C19orf44: variants seen among roughly 807,000 people sequenced by gnomAD.
C19orf44 encodes the protein chromosome 19 open reading frame 44, also known as uncharacterized protein C19orf44.
Under a neutral mutation model 50.7 loss-of-function variants are expected in C19orf44, and 43 were observed. The ratio of observed to expected loss-of-function variants is 0.85; its 90% CI spans 0.66 to 1.09. The LOEUF (loss-of-function observed/expected upper bound fraction) is 1.09. Ranked by LOEUF, C19orf44 falls within the 50% of genes least tolerant of loss-of-function variation. C19orf44 has a pLI of 0.00. For missense variants in C19orf44, 722 were observed against 836.2 expected, an observed-to-expected ratio of 0.86 and a Z score of 1.68; for synonymous variants, 298 against 334.7, an observed-to-expected ratio of 0.89 and a Z score of 1.20.
chr19:16,510,897 G>C (rs1461950438), intron 5 of C19orf44, among the ~76,000 whole-genome samples: 2 of 151,952 alleles, frequency 1.3e-5, no homozygotes, highest in African/African-American at 4.8e-5. Flanking sequence ...CCCCATGCCT[G>C]GCTAATTTTT....
At position 16,508,915 on chromosome 19, in the gene C19orf44, G is replaced by T. The variant is rs138292100; in HGVS notation, c.1150-584G>T. Reference sequence around the variant, plus strand: ...AGCTCACCATAACCTCTGCCTCCTGGGTTCAAGTGATTCTCCTGCCTTAGC... The same window carrying T: ...AGCTCACCATAACCTCTGCCTCCTGTGTTCAAGTGATTCTCCTGCCTTAGC... On this transcript the variant is annotated intron_variant, in intron 4 of 8. Transcript: ENST00000221671. 2.0e-5 allele frequency among the ~76,000 whole-genome samples: 3 copies of T among 151,772 alleles called. No homozygotes were observed. The East Asian group carries it at 5.9e-4, about 30-fold the overall frequency.
chr19:16,501,367 AAG>A lies in C19orf44; in HGVS notation c.580_581del (p.Arg194AspfsTer12), dbSNP rs754430509. The A allele has an allele frequency of 1.2e-6, 2 of 1,614,096 alleles. No individual in the cohort carries two copies. The highest frequency in any genetic ancestry group is 1.1e-5 in the South Asian group (1 of 91,082). ...ATATCCCCTGAAGCACCTGCTGGGA[AAG>A]AGAGGACTTTGCAAACCCCCAAACA... On this transcript the variant is annotated frameshift_variant, in exon 2 of 9. Transcript: ENST00000221671. LOFTEE classifies it high-confidence loss of function.
At chr19:16,514,400 G>A (rs79971988) in intron 6 of C19orf44, 97 bp from the exon 7 acceptor site, 3 of 1,186,062 alleles carry the variant, frequency 2.5e-6, no homozygotes, top group Non-Finnish European at 3.4e-6. Flanking sequence ...AAAAAAAAAA[G>A]ATTTCAGAGA....
rs761411932 is a variant in C19orf44, at chr19:16,509,713, C to T, written c.1364C>T (p.Pro455Leu). Residue 455 changes from proline (P) to leucine (L), a missense_variant, in exon 5 of 9, where the codon CCA becomes CTA. Coordinates refer to ENST00000221671, the MANE Select transcript of C19orf44 (RefSeq NM_032207.4). ...QQDSTSSMQP[P>L]SEAPMVNTVS... ...GACAGCACTTCCAGCATGCAGCCACCATCTGAAGCCCCCATGGTGAACACA... is the reference window on the plus strand; with the variant it reads ...GACAGCACTTCCAGCATGCAGCCACTATCTGAAGCCCCCATGGTGAACACA... 1 of 1,614,236 alleles carries T rather than the reference C, an allele frequency of 6.2e-7. No individual in the cohort carries two copies. Among genetic ancestry groups the T allele is most frequent in the South Asian group, 1.1e-5 (1 of 91,090 alleles).
rs570354966 is a variant in C19orf44, at chr19:16,514,436, G to C, written c.1736-61G>C. ...GCAGCCTGGCACCTGAGCGGTGGGG[G>C]GGGGGCTGCAGAATTTGTGGGGCCC... On this transcript the variant is annotated intron_variant, in intron 6 of 8. Coordinates refer to ENST00000221671, the MANE Select transcript of C19orf44 (RefSeq NM_032207.4). 1.4e-5 allele frequency: 20 copies of C among 1,480,388 alleles called. No homozygotes were observed. The Admixed American group carries it at 1.5e-4, about 11-fold the overall frequency. The allele number at this position is 1,480,388 out of a possible 1,614,324, so 91.7% of individuals were successfully genotyped here. A position where few individuals can be genotyped will look rare whatever the true frequency, so the allele number is the denominator to read the frequency against.
At position 16,519,435 on chromosome 19, in the gene C19orf44, A is replaced by G; in HGVS notation, c.*41-659A>G. On this transcript the variant is annotated intron_variant, in intron 8 of 8. Transcript: ENST00000221671. This position sits in a 1 kb window ranked among gnomAD's most constrained non-coding sequence, Gnocchi z 6.0. The stretch of plus-strand genomic sequence containing the variant: ...TGGGGGGCTGAATGTCCAGACAGGC[A>G]GTGTAGACATGGGAAATGGGTAGAG... The G allele has an allele frequency of 2.8e-6, 4 of 1,441,164 alleles. No homozygotes were observed. Among genetic ancestry groups the G allele is most frequent in the Non-Finnish European group, 2.9e-6 (3 of 1,049,884 alleles). 89.3% of individuals were successfully genotyped at this position (1,441,164 alleles called of 1,614,324 possible).
At chr19:16,506,236 A>T (rs2093440207) in intron 3 of C19orf44, among the ~76,000 whole-genome samples, 3 of 151,820 alleles carry the variant, frequency 2.0e-5, no homozygotes, top group Admixed American at 2.0e-4. Context: ...CGGCCTCCCA[A>T]AGTGTTGGGA....
chr19:16,515,355 G>T (rs554077413), intron 7 of C19orf44, among the ~76,000 whole-genome samples: 3 of 152,058 alleles, frequency 2.0e-5, no homozygotes, highest in Non-Finnish European at 4.4e-5. Context: ...GCAAGACTCC[G>T]TCTCAAAAAA....
Position 16,501,181 on chromosome 19 carries a change from G to C in C19orf44, c.389G>C (p.Arg130Thr). ...SMTADAGLPK[R>T]ADRILSGGAL... ...ACCGCCGATGCTGGTCTTCCAAAGA[G>C]AGCTGACAGAATCCTCTCTGGGGGT... Residue 130 changes from arginine to threonine, a missense_variant, in exon 2 of 9, where the codon AGA becomes ACA. By Grantham distance (71) the Arg-to-Thr change is moderately conservative (BLOSUM62 -1). Coordinates refer to ENST00000221671, the MANE Select transcript of C19orf44 (RefSeq NM_032207.4). 6.2e-7 allele frequency: 1 copy of C among 1,614,140 alleles called. No homozygotes were observed. Among genetic ancestry groups the C allele is most frequent in the South Asian group, 1.1e-5 (1 of 91,086 alleles).
intron 1 of C19orf44, 95 bp downstream of exon 1, chr19:16,496,560 G>T (rs553924135): frequency 2.8e-5 from 8 of 283,074 alleles, no homozygotes; most frequent in South Asian, 2.7e-4. Flanking sequence ...TGAGCTGGTT[G>T]GGCCGCTGCA....
At chr19:16,511,428 C>T (rs1395421796) in intron 5 of C19orf44, among the ~76,000 whole-genome samples, 1 of 152,072 alleles carries the variant, frequency 6.6e-6, no homozygotes, top group African/African-American at 2.4e-5. Context: ...GATCCTTCCA[C>T]CTGCTCATGT....
intron 5 of C19orf44, among the ~76,000 whole-genome samples, chr19:16,511,171 G>A (rs1171893345): frequency 2.0e-5 from 3 of 151,962 alleles, no homozygotes; most frequent in African/African-American, 7.3e-5. Context: ...TGAATAGCTG[G>A]GATTACAGGT....
At chr19:16,500,719 C>G in intron 1 of C19orf44, 73 bp from the exon 2 acceptor site, 1 of 1,426,146 alleles carries the variant, frequency 7.0e-7, no homozygotes, top group Non-Finnish European at 9.5e-7. Context: ...GAGCTTTTGC[C>G]AAGTAGGAGC....
rs1299653798 is a variant in C19orf44 at position 16,514,663 on chromosome 19, G to A, written c.1902G>A (p.Glu634=). 3 of 1,564,658 alleles carry A rather than the reference G, an allele frequency of 1.9e-6. No individual in the cohort carries two copies. The highest frequency in any genetic ancestry group is 1.7e-4 in the Middle Eastern group (1 of 6,028). ...FHYHTLEEAK[E]YIRCHRPAPL... ...ACCACACCCTGGAGGAAGCCAAAGAGGTGAGCGCAGCTCCCCATGGGCAGG... is the reference window on the plus strand; with the variant it reads ...ACCACACCCTGGAGGAAGCCAAAGAAGTGAGCGCAGCTCCCCATGGGCAGG... The change falls in exon 7 of 9, where the codon GAG becomes GAA. Residue 634 remains glutamate, a splice_region_variant and synonymous_variant. Coordinates refer to ENST00000221671, the MANE Select transcript of C19orf44 (RefSeq NM_032207.4).
Position 16,520,046 on chromosome 19 carries a change from C to T in C19orf44, c.*41-48C>T, listed in dbSNP as rs1049029624. 1.6e-5 allele frequency: 20 copies of T among 1,213,132 alleles called. No individual in the cohort carries two copies. The highest frequency in any genetic ancestry group is 1.1e-4 in the African/African-American group (7 of 66,598). The allele number at this position is 1,213,132 out of a possible 1,614,324, so 75.1% of individuals were successfully genotyped here. Reference sequence around the variant, plus strand: ...GCCACTGTCCCCGGGCTAATGCTGGCGGCCTCCTAACACAGTCTCCTAACC... The same window carrying T: ...GCCACTGTCCCCGGGCTAATGCTGGTGGCCTCCTAACACAGTCTCCTAACC... On this transcript the variant is annotated intron_variant, in intron 8 of 8. Transcript: ENST00000221671. The surrounding 1 kb of genome is among the most constrained non-coding windows in gnomAD (Gnocchi z 4.0).
rs754009367 is a variant in C19orf44 at position 16,501,111 on chromosome 19, C to T, written c.319C>T (p.Arg107Trp). The T allele has an allele frequency of 1.9e-5, 31 of 1,613,938 alleles. No homozygotes were observed. In the African/African-American group the frequency reaches 2.4e-4, roughly 13 times the overall value. The change falls in exon 2 of 9, where the codon CGG (arginine) becomes TGG (tryptophan). Residue 107 changes from arginine to tryptophan, a missense_variant. Transcript: ENST00000221671. ...LAQLETRIMN[R>W]KLQRNLSDTE... is the part of the protein sequence containing the mutation. ...CCAGCTGGAAACCCGGATCATGAAT[C>T]GGAAGCTGCAGAGGAATTTGTCTGA...
At chr19:16,513,169 A>C (rs1189722668) in intron 6 of C19orf44, 60 bp downstream of exon 6, 2 of 1,531,152 alleles carry the variant, frequency 1.3e-6, no homozygotes, top group East Asian at 2.3e-5. Context: ...TTTCACCTGC[A>C]GATTCACACC....
intron 6 of C19orf44, among the ~76,000 whole-genome samples, chr19:16,513,341 G>A (rs983510019): frequency 2.8e-4 from 42 of 152,276 alleles, no homozygotes; most frequent in African/African-American, 9.4e-4. Context: ...AAACAAGAGG[G>A]TGAAGAGTGA....
At position 16,517,302 on chromosome 19, in the gene C19orf44, G is replaced by C. The variant is rs1207159270; in HGVS notation, c.*1G>C. 3.7e-6 allele frequency: 6 copies of C among 1,613,894 alleles called. No individual in the cohort carries two copies. The highest frequency in any genetic ancestry group is 5.1e-6 in the Non-Finnish European group (6 of 1,179,932). On this transcript the variant is annotated 3_prime_UTR_variant, in exon 8 of 9. Transcript: ENST00000221671. Reference sequence around the variant, plus strand: ...GGAGGAGGTGAACAAGGAGCTGTGAGCGCCAGCAGGTGGAGCTTGACGTGA... The same window carrying C: ...GGAGGAGGTGAACAAGGAGCTGTGACCGCCAGCAGGTGGAGCTTGACGTGA...
Sources: gnomAD v4.1 joint callset for allele counts (sites outside exome capture counted in the v4.1 genomes callset) on GRCh38, gnomAD v4.1.1 for gene constraint, Gnocchi (gnomAD v3.1) non-coding constraint, MANE v1.5 for transcripts, NCBI Gene and HGNC (gene_info 2026-07-23, HGNC 2026-07-21) for gene names.